TFAP2C: variants seen among roughly 807,000 people sequenced by gnomAD.
TFAP2C encodes the protein activating enhancer-binding protein 2 gamma.
A neutral mutation model predicts 42.9 loss-of-function variants in TFAP2C; 9 were observed. The observed-to-expected ratio is 0.21, with a 90% confidence interval of 0.13 to 0.37. The LOEUF (loss-of-function observed/expected upper bound fraction) is 0.37. Among genes scored for constraint, TFAP2C ranks in the 10% least tolerant of loss-of-function variants. The pLI, the probability that TFAP2C is intolerant of heterozygous loss-of-function variation, is 1.00. For synonymous variants in TFAP2C, 264 were observed against 256.0 expected (o/e 1.03, Z -0.30); for missense variants, 462 against 591.7 (o/e 0.78, Z 2.27).
chr20:56,637,441 A>G (rs190394423), intron 6 of TFAP2C, among the ~76,000 whole-genome samples: 23 of 152,304 alleles, frequency 1.5e-4, no homozygotes, highest in African/African-American at 5.5e-4. Flanking sequence ...CATTACTTTT[A>G]CCAGTCCTGG....
rs900669426 is a variant in TFAP2C at position 56,629,436 on chromosome 20, G to A, written c.-109G>A. 2.9e-6 allele frequency: 3 copies of A among 1,027,418 alleles called. No individual in the cohort carries two copies. In the African/African-American group the frequency reaches 5.0e-5, roughly 17 times the overall value. The allele number at this position is 1,027,418 out of a possible 1,614,324, so 63.6% of individuals were successfully genotyped here. Reference sequence around the variant, plus strand: ...GGACAGCAAGGCCCGCGCGCGGCGGGGGCGGCGGCAGACGCCTGGTCACCG... The same window carrying A: ...GGACAGCAAGGCCCGCGCGCGGCGGAGGCGGCGGCAGACGCCTGGTCACCG... On this transcript the variant is annotated 5_prime_UTR_variant, in exon 1 of 7. Coordinates refer to ENST00000201031, the MANE Select transcript of TFAP2C (RefSeq NM_003222.4). The surrounding 1 kb of genome is among the most constrained non-coding windows in gnomAD (Gnocchi z 5.9).
At chr20:56,634,759 A>G (rs1987553631) in intron 5 of TFAP2C, among the ~76,000 whole-genome samples, 1 of 152,114 alleles carries the variant, frequency 6.6e-6, no homozygotes, top group Non-Finnish European at 1.5e-5. Context: ...TCACAATTCT[A>G]TTCTTCCCTC....
At chr20:56,632,202 G>A (rs947407481) in intron 3 of TFAP2C, among the ~76,000 whole-genome samples, 2 of 152,176 alleles carry the variant, frequency 1.3e-5, no homozygotes. Flanking sequence ...GCACACCTTC[G>A]TTGAGTGGTT....
rs1987440127 is a variant in TFAP2C, at chr20:56,629,415, A to G, written c.-130A>G. 4 of 745,120 alleles carry G rather than the reference A, an allele frequency of 5.4e-6. No individual in the cohort carries two copies. Among genetic ancestry groups the G allele is most frequent in the African/African-American group, 1.8e-5 (1 of 55,268 alleles). 46.2% of individuals were successfully genotyped at this position (745,120 alleles called of 1,614,324 possible). A position where few individuals can be genotyped will look rare whatever the true frequency, so the allele number is the denominator to read the frequency against. On this transcript the variant is annotated 5_prime_UTR_variant, in exon 1 of 7. Coordinates refer to ENST00000201031, the MANE Select transcript of TFAP2C (RefSeq NM_003222.4). This position sits in a 1 kb window ranked among gnomAD's most constrained non-coding sequence, Gnocchi z 5.9. ...CCGATGCGTGTCCAGTGACCCGGAC[A>G]GCAAGGCCCGCGCGCGGCGGGGGCG...
chr20:56,636,568 AG>A (rs1475894707), intron 5 of TFAP2C, 41 bp from the exon 6 acceptor site: 1 of 1,569,538 alleles, frequency 6.4e-7, no homozygotes, highest in Admixed American at 2.0e-5. Context: ...GTTTGGCCTC[AG>A]TGACCACAGC....
Position 56,630,756 on chromosome 20 carries a change from C to T in TFAP2C, c.49-449C>T. The T allele has an allele frequency of 4.1e-6, 4 of 985,322 alleles. No homozygotes were observed. Among genetic ancestry groups the T allele is most frequent in the Non-Finnish European group, 4.8e-6 (4 of 829,876 alleles). 61.0% of individuals were successfully genotyped at this position (985,322 alleles called of 1,614,324 possible). A position where few individuals can be genotyped will look rare whatever the true frequency, so the allele number is the denominator to read the frequency against. On this transcript the variant is annotated intron_variant, in intron 1 of 6. Transcript: ENST00000201031. This position sits in a 1 kb window ranked among gnomAD's most constrained non-coding sequence, Gnocchi z 5.1. ...TCCCGCGCCGCGCACTCTATCCGCGCCTGCCGCGCTGCCACCTCCAGCAGT... is the reference window on the plus strand; with the variant it reads ...TCCCGCGCCGCGCACTCTATCCGCGTCTGCCGCGCTGCCACCTCCAGCAGT...
At chr20:56,634,438 C>T (rs951996496) in intron 5 of TFAP2C, among the ~76,000 whole-genome samples, 170 bp downstream of exon 5, 4 of 152,176 alleles carry the variant, frequency 2.6e-5, no homozygotes, top group African/African-American at 7.2e-5. Context: ...TTAATTTTAT[C>T]GAATAAGTTA....
In TFAP2C at chr20:56,630,290, T is replaced by C. The variant is rs892866441; in HGVS notation, c.48+698T>C. 6 of 353,720 alleles carry C rather than the reference T, an allele frequency of 1.7e-5. No homozygotes were observed. The highest frequency in any genetic ancestry group is 2.9e-5 in the Non-Finnish European group (5 of 171,864). The allele number at this position is 353,720 out of a possible 1,614,324, so 21.9% of individuals were successfully genotyped here. On this transcript the variant is annotated intron_variant, in intron 1 of 6. Coordinates refer to ENST00000201031, the MANE Select transcript of TFAP2C (RefSeq NM_003222.4). The surrounding 1 kb of genome is among the most constrained non-coding windows in gnomAD (Gnocchi z 5.1). ...GGGCTACGGACTCGCGGGAGTTCAC[T>C]GCGCCTCCGGGCCCTGGAGGGCTGC...
intron 5 of TFAP2C, among the ~76,000 whole-genome samples, chr20:56,635,526 A>G (rs1987568080): frequency 6.6e-6 from 1 of 152,170 alleles, no homozygotes; most frequent in Non-Finnish European, 1.5e-5. Context: ...GAAACATTCT[A>G]GAGATCTGCC....
In TFAP2C at chr20:56,631,444, A is replaced by C; in HGVS notation, c.288A>C (p.Thr96=). 6.3e-7 allele frequency: 1 copy of C among 1,579,632 alleles called. No individual in the cohort carries two copies. The highest frequency in any genetic ancestry group is 8.6e-7 in the Non-Finnish European group (1 of 1,165,246). ...ACCCCCTGCACCAGCCGGCGCCCAC[A>C]GGCAGCCAGCAGCAGGCCTGGCCCG... The part of the protein sequence containing the change: ...AINPLHQPAP[T]GSQQQAWPGR... Residue 96 remains threonine, a synonymous_variant, in exon 2 of 7, where the codon ACA becomes ACC. Transcript: ENST00000201031. The surrounding 1 kb of genome is among the most constrained non-coding windows in gnomAD (Gnocchi z 6.1).
intron 6 of TFAP2C, among the ~76,000 whole-genome samples, chr20:56,637,174 C>T (rs1357448283): frequency 6.6e-6 from 1 of 152,208 alleles, no homozygotes; most frequent in Non-Finnish European, 1.5e-5. Flanking sequence ...AATTAACTGT[C>T]TCCAAAACGA....
Position 56,631,044 on chromosome 20 carries a change from G to A in TFAP2C, c.49-161G>A, listed in dbSNP as rs907166682. On this transcript the variant is annotated intron_variant, in intron 1 of 6. Coordinates refer to ENST00000201031, the MANE Select transcript of TFAP2C (RefSeq NM_003222.4). This position sits in a 1 kb window ranked among gnomAD's most constrained non-coding sequence, Gnocchi z 6.1. ...ACTCTTTGCTTACAACGAAATCCTCGGGGCGCATTGCCCCCGGGTACCTTC... is the reference window on the plus strand; with the variant it reads ...ACTCTTTGCTTACAACGAAATCCTCAGGGCGCATTGCCCCCGGGTACCTTC... 53 of 985,268 alleles carry A rather than the reference G, an allele frequency of 5.4e-5. No individual in the cohort carries two copies. The African/African-American group carries it at 9.1e-4, about 17-fold the overall frequency. The allele number at this position is 985,268 out of a possible 1,614,324, so 61.0% of individuals were successfully genotyped here.
At chr20:56,634,757 C>T (rs960577895) in intron 5 of TFAP2C, among the ~76,000 whole-genome samples, 11 of 152,288 alleles carry the variant, frequency 7.2e-5, no homozygotes, top group South Asian at 4.2e-4. Flanking sequence ...ATTCACAATT[C>T]TATTCTTCCC....
chr20:56,630,718 G>A lies in TFAP2C; in HGVS notation c.49-487G>A, dbSNP rs1205743993. 1 of 985,248 alleles carries A rather than the reference G, an allele frequency of 1.0e-6. No individual in the cohort carries two copies. The highest frequency in any genetic ancestry group is 1.2e-6 in the Non-Finnish European group (1 of 829,906). 61.0% of individuals were successfully genotyped at this position (985,248 alleles called of 1,614,324 possible). On this transcript the variant is annotated intron_variant, in intron 1 of 6. Transcript: ENST00000201031. The surrounding 1 kb of genome is among the most constrained non-coding windows in gnomAD (Gnocchi z 5.1). ...TGGAAGGGAGGGTCCCGGGGGCGGG[G>A]GAGGTGCGCATTTCCCGCGCCGCGC...
In TFAP2C at chr20:56,629,569, G is replaced by A; in HGVS notation, c.25G>A (p.Val9Ile). The A allele has an allele frequency of 2.1e-6, 3 of 1,427,322 alleles. No homozygotes were observed. Among genetic ancestry groups the A allele is most frequent in the South Asian group, 1.7e-5 (1 of 57,706 alleles). The allele number at this position is 1,427,322 out of a possible 1,614,324, so 88.4% of individuals were successfully genotyped here. MLWKITDN[V>I]KYEEDCEDRH... The stretch of plus-strand genomic sequence containing the variant: ...CATGTTGTGGAAAATAACCGATAAT[G>A]TCAAGTACGAAGAGGACTGCGAGGT... Residue 9 changes from valine to isoleucine, a missense_variant, in exon 1 of 7, where the codon GTC becomes ATC. Physicochemically the swap from Val to Ile is conservative, Grantham distance 29. Coordinates refer to ENST00000201031, the MANE Select transcript of TFAP2C (RefSeq NM_003222.4). This position sits in a 1 kb window ranked among gnomAD's most constrained non-coding sequence, Gnocchi z 5.9.
In TFAP2C at chr20:56,630,732, C is replaced by A. The variant is rs140351622; in HGVS notation, c.49-473C>A. On this transcript the variant is annotated intron_variant, in intron 1 of 6. Transcript: ENST00000201031. This position sits in a 1 kb window ranked among gnomAD's most constrained non-coding sequence, Gnocchi z 5.1. The stretch of plus-strand genomic sequence containing the variant: ...CCGGGGGCGGGGGAGGTGCGCATTT[C>A]CCGCGCCGCGCACTCTATCCGCGCC... 1,920 of 985,372 alleles carry A rather than the reference C, an allele frequency of 1.9e-3. 7 individuals carry two copies. The highest frequency in any genetic ancestry group is 0.019 in the African/African-American group (1,084 of 57,362). 61.0% of individuals were successfully genotyped at this position (985,372 alleles called of 1,614,324 possible).
intron 5 of TFAP2C, among the ~76,000 whole-genome samples, chr20:56,635,413 A>C (rs1432012701): frequency 6.6e-6 from 1 of 152,034 alleles, no homozygotes; most frequent in African/African-American, 2.4e-5. Context: ...GGGTGGGAGA[A>C]ACTCTCTTGG....
In TFAP2C at chr20:56,633,547, T is replaced by G; in HGVS notation, c.781T>G (p.Leu261Val). Residue 261 changes from leucine (L) to valine (V), a missense_variant, in exon 4 of 7, where the codon TTA (leucine) becomes GTA (valine). Around this residue, in one of 5 missense-constraint regions of TFAP2C, gnomAD observed 40 missense variants for 106.8 expected, o/e 0.37. Coordinates refer to ENST00000201031, the MANE Select transcript of TFAP2C (RefSeq NM_003222.4). ...LSPPECLNASLLGGVLRRAKS... is the reference protein window; with the variant it reads ...LSPPECLNASVLGGVLRRAKS... The stretch of plus-strand genomic sequence containing the variant: ...CCCACCTGAATGCTTAAATGCCTCG[T>G]TACTGGGAGGTGTTCTCAGAAGGTA... The G allele has an allele frequency of 2.5e-6, 4 of 1,614,088 alleles. No homozygotes were observed. The highest frequency in any genetic ancestry group is 3.4e-6 in the Non-Finnish European group (4 of 1,179,982).
Position 56,631,534 on chromosome 20 carries a change from C to T in TFAP2C, c.378C>T (p.Pro126=). The change falls in exon 2 of 7, where the codon CCC becomes CCT. Residue 126 remains proline, a synonymous_variant. Transcript: ENST00000201031. The surrounding 1 kb of genome is among the most constrained non-coding windows in gnomAD (Gnocchi z 6.1). ...ACGGGCGCCCGGCCGGCCTACTGCC[C>T]CACCTCTCCGGGCTGGAGGCGGGCG... ...SHHGRPAGLL[P]HLSGLEAGAV... 6.5e-7 allele frequency: 1 copy of T among 1,527,424 alleles called. No individual in the cohort carries two copies. The highest frequency in any genetic ancestry group is 2.5e-5 in the East Asian group (1 of 39,850). The allele number at this position is 1,527,424 out of a possible 1,614,324, so 94.6% of individuals were successfully genotyped here.
Sources: gnomAD v4.1 joint callset for allele counts (sites outside exome capture counted in the v4.1 genomes callset) on GRCh38, gnomAD v4.1.1 for gene constraint, gnomAD v4.1.1 regional missense constraint, Gnocchi (gnomAD v3.1) non-coding constraint, MANE v1.5 for transcripts, NCBI Gene and HGNC (gene_info 2026-07-23, HGNC 2026-07-21) for gene names.